The following SHROOM3 variants were observed in gnomAD, a reference collection of about 807,000 sequenced individuals.
The protein encoded by SHROOM3 is shroom family member 3, also known as protein Shroom3.
SHROOM3 carries 47 observed loss-of-function variants against 138.6 expected under a neutral mutation model. The ratio of observed to expected loss-of-function variants is 0.34; its 90% CI spans 0.27 to 0.43. The LOEUF (loss-of-function observed/expected upper bound fraction) is 0.43, where lower values mean the gene tolerates loss of function less well. SHROOM3 is among the 20% of genes least tolerant of loss of function. The pLI is 1.00. For synonymous variants in SHROOM3, 1,062 were observed against 1,063.3 expected (o/e 1.00, Z 0.02); for missense variants, 2,491 against 2,596.5 (o/e 0.96, Z 0.88).
chr4:76,513,204 G>T (rs1354780729), intron 1 of SHROOM3, among the ~76,000 whole-genome samples: 1 of 152,148 alleles, frequency 6.6e-6, no homozygotes, highest in Non-Finnish European at 1.5e-5. Context: ...GGTTTTACAT[G>T]TATGCTTTCG....
At chr4:76,720,579 A>G (rs1720513718) in intron 3 of SHROOM3, among the ~76,000 whole-genome samples, 3 of 150,920 alleles carry the variant, frequency 2.0e-5, no homozygotes, top group Admixed American at 2.0e-4. Flanking sequence ...ATTATTCTAT[A>G]CTAAAGAAGA....
intron 2 of SHROOM3, among the ~76,000 whole-genome samples, chr4:76,646,096 G>C (rs1735807446): frequency 6.6e-6 from 1 of 151,776 alleles, no homozygotes; most frequent in African/African-American, 2.4e-5. Context: ...GGAAGGGATA[G>C]CATTAGGAGA....
At position 76,767,407 on chromosome 4, in the gene SHROOM3, G is replaced by A. The variant is rs114572345; in HGVS notation, c.5350-3219G>A. 2.3e-3 allele frequency among the ~76,000 whole-genome samples: 346 copies of A among 152,276 alleles called. 3 individuals carry two copies. The highest frequency in any genetic ancestry group is 7.4e-3 in the African/African-American group (308 of 41,540). ...AAAATACCAGCCTCTGGCTGGGCGC[G>A]GTGGCTCACACCTGTAATCCCAGCA... On this transcript the variant is annotated intron_variant, in intron 9 of 10. Coordinates refer to ENST00000296043, the MANE Select transcript of SHROOM3 (RefSeq NM_020859.4).
chr4:76,491,185 A>T (rs4318673), intron 1 of SHROOM3, among the ~76,000 whole-genome samples: 65,543 of 152,044 alleles, frequency 0.43, 15,145 homozygotes, highest in Non-Finnish European at 0.52. Flanking sequence ...TCCTTGAGAC[A>T]TGGGCACTGA....
chr4:76,643,222 A>G (rs1735724417), intron 2 of SHROOM3, among the ~76,000 whole-genome samples: 3 of 151,990 alleles, frequency 2.0e-5, no homozygotes, highest in Admixed American at 6.6e-5. Context: ...AAAAAAAAAA[A>G]AAAAAAAAGA....
At chr4:76,600,912 C>T (rs1230492915) in intron 2 of SHROOM3, among the ~76,000 whole-genome samples, 1 of 151,834 alleles carries the variant, frequency 6.6e-6, no homozygotes, top group African/African-American at 2.4e-5. Context: ...CCACTGAATC[C>T]TCATGAAGCA....
intron 2 of SHROOM3, among the ~76,000 whole-genome samples, chr4:76,564,570 T>C (rs960005602): frequency 5.3e-5 from 8 of 152,176 alleles, no homozygotes; most frequent in African/African-American, 1.7e-4. Flanking sequence ...CATTATTAGG[T>C]TTCCTGAGAG....
At chr4:76,519,513 G>A (rs1275388756) in intron 1 of SHROOM3, among the ~76,000 whole-genome samples, 1 of 152,136 alleles carries the variant, frequency 6.6e-6, no homozygotes, top group Non-Finnish European at 1.5e-5. Context: ...GCAAGAATCA[G>A]GAAGATAATG....
chr4:76,663,132 A>G (rs555100252), intron 2 of SHROOM3, among the ~76,000 whole-genome samples: 1 of 152,190 alleles, frequency 6.6e-6, no homozygotes, highest in Non-Finnish European at 1.5e-5. Context: ...AATCTAGAAA[A>G]CATTTATTGA....
intron 2 of SHROOM3, among the ~76,000 whole-genome samples, chr4:76,620,481 G>A (rs1232824035): frequency 2.0e-5 from 3 of 152,188 alleles, no homozygotes; most frequent in Non-Finnish European, 4.4e-5. Flanking sequence ...AGTAAACCTA[G>A]CACAAGTGAC....
At position 76,512,818 on chromosome 4, in the gene SHROOM3, T is replaced by C. The variant is rs1002123159; in HGVS notation, c.169-42791T>C. Among the ~76,000 whole-genome samples, 4 of 152,124 alleles carry C rather than the reference T, an allele frequency of 2.6e-5. No individual in the cohort carries two copies. In the East Asian group the frequency reaches 7.7e-4, roughly 29 times the overall value. On this transcript the variant is annotated intron_variant, in intron 1 of 10. Coordinates refer to ENST00000296043, the MANE Select transcript of SHROOM3 (RefSeq NM_020859.4). ...TAAAGGCCTTATCACAGACCAGAGATATGACCAACTGGGGTGAGCTTTAAG... is the reference window on the plus strand; with the variant it reads ...TAAAGGCCTTATCACAGACCAGAGACATGACCAACTGGGGTGAGCTTTAAG...
intron 2 of SHROOM3, among the ~76,000 whole-genome samples, chr4:76,650,472 G>A (rs1192586305): frequency 1.3e-5 from 2 of 152,080 alleles, no homozygotes; most frequent in East Asian, 3.8e-4. Context: ...GTGTATCAAA[G>A]AGGTATCTGC....
At chr4:76,678,745 C>G in intron 2 of SHROOM3, among the ~76,000 whole-genome samples, 1 of 152,174 alleles carries the variant, frequency 6.6e-6, no homozygotes, top group Non-Finnish European at 1.5e-5. Flanking sequence ...ACTGCAACCT[C>G]CGCCTCCCAG....
intron 4 of SHROOM3, among the ~76,000 whole-genome samples, chr4:76,735,869 ATAT>A (rs1253011308): frequency 2.9e-3 from 41 of 13,994 alleles, no homozygotes; most frequent in South Asian, 7.5e-3. Context: ...AAAAAAAAAA[ATAT>A]ATATATATAT....
intron 1 of SHROOM3, among the ~76,000 whole-genome samples, chr4:76,552,900 A>G (rs889373048): frequency 6.6e-6 from 1 of 152,128 alleles, no homozygotes; most frequent in Non-Finnish European, 1.5e-5. Context: ...ATCCATTGGC[A>G]TGTGACCCAG....
At chr4:76,449,777 T>C (rs948863210) in intron 1 of SHROOM3, among the ~76,000 whole-genome samples, 1 of 152,240 alleles carries the variant, frequency 6.6e-6, no homozygotes, top group Non-Finnish European at 1.5e-5. Context: ...AAAGAGAAAC[T>C]AAATATGCTT....
intron 2 of SHROOM3, among the ~76,000 whole-genome samples, chr4:76,658,557 T>C (rs900754569): frequency 6.6e-6 from 1 of 152,174 alleles, no homozygotes; most frequent in African/African-American, 2.4e-5. Context: ...AGAACCTCAC[T>C]GTCAAGTGAG....
chr4:76,659,407 C>A (rs1182791962), intron 2 of SHROOM3, among the ~76,000 whole-genome samples: 1 of 152,198 alleles, frequency 6.6e-6, no homozygotes, highest in Non-Finnish European at 1.5e-5. Context: ...AAAAGTACAG[C>A]CCATAGTTTA....
chr4:76,488,568 G>A (rs1731785382), intron 1 of SHROOM3, among the ~76,000 whole-genome samples: 1 of 152,144 alleles, frequency 6.6e-6, no homozygotes, highest in South Asian at 2.1e-4. Context: ...TAAAGCATTA[G>A]CCCCACCATT....
Sources: allele counts gnomAD v4.1 joint callset (sites outside exome capture counted in the v4.1 genomes callset), GRCh38; gene constraint gnomAD v4.1.1; transcripts MANE v1.5; gene names NCBI Gene and HGNC (gene_info 2026-07-23, HGNC 2026-07-21).